Variants in PIGQ observed in about 807,000 individuals in gnomAD.
PIGQ encodes phosphatidylinositol glycan anchor biosynthesis class Q.
PIGQ carries 54 observed loss-of-function variants against 60.3 expected under a neutral mutation model. That is an observed-to-expected ratio of 0.90 (90% CI 0.72 to 1.12). The LOEUF (loss-of-function observed/expected upper bound fraction) is 1.12. PIGQ is among the 50% of genes most tolerant of loss of function. PIGQ has a pLI of 0.00. For synonymous variants in PIGQ, 416 were observed against 363.7 expected, an observed-to-expected ratio of 1.14 and a Z score of -1.64; for missense variants, 799 against 793.5, an observed-to-expected ratio of 1.01 and a Z score of -0.08.
chr16:576,444 C>T (rs1048771478), intron 4 of PIGQ, 190 bp downstream of exon 4: 2 of 668,914 alleles, frequency 3.0e-6, no homozygotes, highest in African/African-American at 3.6e-5. Flanking sequence ...CAGGGCAGGC[C>T]TCGCAGGTAC....
At position 574,122 on chromosome 16, in the gene PIGQ, C is replaced by T. The variant is rs543316354; in HGVS notation, c.48C>T (p.Ser16=). The T allele has an allele frequency of 8.7e-6, 14 of 1,610,864 alleles. No individual in the cohort carries two copies. The highest frequency in any genetic ancestry group is 2.2e-5 in the South Asian group (2 of 91,010). Residue 16 remains serine, a synonymous_variant, in exon 2 of 11, where the codon AGC becomes AGT. Transcript: ENST00000321878. The part of the protein sequence containing the change: ...FFPTCCVSTD[S]GLLVGRWVPE... ...CCACGTGCTGCGTCTCGACGGACAG[C>T]GGGCTGCTGGTGGGACGGTGGGTGC...
rs2035858104 is a variant in PIGQ at position 583,854 on chromosome 16, C to T, written c.*819C>T. ...TGTGGCCCCCCAGGAGTGTGAGTGGCCTGGGGAGGGGGCCGTGGCACTGAG... is the reference window on the plus strand; with the variant it reads ...TGTGGCCCCCCAGGAGTGTGAGTGGTCTGGGGAGGGGGCCGTGGCACTGAG... On this transcript the variant is annotated 3_prime_UTR_variant, in exon 11 of 11. Coordinates refer to ENST00000321878, the MANE Select transcript of PIGQ (RefSeq NM_004204.5). 2 of 621,076 alleles carry T rather than the reference C, an allele frequency of 3.2e-6. No homozygotes were observed. Among genetic ancestry groups the T allele is most frequent in the African/African-American group, 1.8e-5 (1 of 54,958 alleles). The allele number at this position is 621,076 out of a possible 1,614,324, so 38.5% of individuals were successfully genotyped here. A position where few individuals can be genotyped will look rare whatever the true frequency, so the allele number is the denominator to read the frequency against.
chr16:574,212 G>C lies in PIGQ; in HGVS notation c.138G>C (p.Lys46Asn). The C allele has an allele frequency of 6.2e-7, 1 of 1,612,142 alleles. No individual in the cohort carries two copies. The highest frequency in any genetic ancestry group is 1.1e-5 in the South Asian group (1 of 91,078). Residue 46 changes from lysine (K) to asparagine (N), a missense_variant, in exon 2 of 11, where the codon AAG becomes AAC. Transcript: ENST00000321878. Reference protein sequence around the residue: ...LHFPFIPIQVKQLLAQVRQAS... With the variant: ...LHFPFIPIQVNQLLAQVRQAS... ...TTCCCTTCATCCCCATCCAGGTCAAGCAGCTCCTGGCCCAGGTGCGGCAGG... is the reference window on the plus strand; with the variant it reads ...TTCCCTTCATCCCCATCCAGGTCAACCAGCTCCTGGCCCAGGTGCGGCAGG...
chr16:582,660 T>G (rs1596388246), intron 10 of PIGQ: 1 of 605,022 alleles, frequency 1.7e-6, no homozygotes, highest in Non-Finnish European at 2.9e-6. Flanking sequence ...CCCCTCAGAG[T>G]TGGGCAGCCC....
rs572152567 is a variant in PIGQ, at chr16:573,232, G to A, written c.-9-834G>A. Reference sequence around the variant, plus strand: ...GTCCCTCAGCCTGAGAGTGCAGGATGCAGTTTCTCCACACCTCCGGGACCT... The same window carrying A: ...GTCCCTCAGCCTGAGAGTGCAGGATACAGTTTCTCCACACCTCCGGGACCT... On this transcript the variant is annotated intron_variant, in intron 1 of 10. Coordinates refer to ENST00000321878, the MANE Select transcript of PIGQ (RefSeq NM_004204.5). Among the ~76,000 whole-genome samples the A allele has an allele frequency of 9.2e-5, 14 of 152,362 alleles. No homozygotes were observed. The East Asian group carries it at 2.7e-3, about 29-fold the overall frequency.
At position 583,660 on chromosome 16, in the gene PIGQ, T is replaced by A. The variant is rs2035853713; in HGVS notation, c.*625T>A. Reference sequence around the variant, plus strand: ...AGAAACCATCAGCAGGCTGTGAGCATCGCCAGGCTGCTGTGGGGGCGGGAG... The same window carrying A: ...AGAAACCATCAGCAGGCTGTGAGCAACGCCAGGCTGCTGTGGGGGCGGGAG... On this transcript the variant is annotated 3_prime_UTR_variant, in exon 11 of 11. Coordinates refer to ENST00000321878, the MANE Select transcript of PIGQ (RefSeq NM_004204.5). The A allele has an allele frequency of 1.2e-6, 2 of 1,611,010 alleles. No homozygotes were observed. The highest frequency in any genetic ancestry group is 1.7e-5 in the Admixed American group (1 of 59,984).
intron 9 of PIGQ, 196 bp from the exon 10 acceptor site, chr16:582,052 G>C (rs188843005): frequency 1.5e-6 from 1 of 667,666 alleles, no homozygotes; most frequent in Non-Finnish European, 2.8e-6. Context: ...CACCGTGCCT[G>C]GCTGCAGGAG....
chr16:580,853 C>T lies in PIGQ; in HGVS notation c.1417-5C>T. On this transcript the variant is annotated splice_region_variant and splice_polypyrimidine_tract_variant and intron_variant, in intron 8 of 10. Coordinates refer to ENST00000321878, the MANE Select transcript of PIGQ (RefSeq NM_004204.5). ...GGGCCGGTCCTAAATGCTCCTCTGCCACAGCTCCGGCTCCTGGTGGTCGCC... is the reference window on the plus strand; with the variant it reads ...GGGCCGGTCCTAAATGCTCCTCTGCTACAGCTCCGGCTCCTGGTGGTCGCC... The T allele has an allele frequency of 7.4e-7, 1 of 1,358,834 alleles. No individual in the cohort carries two copies. Among genetic ancestry groups the T allele is most frequent in the Middle Eastern group, 1.8e-4 (1 of 5,546 alleles). 84.2% of individuals were successfully genotyped at this position (1,358,834 alleles called of 1,614,324 possible).
chr16:581,106 C>A (rs530111223), intron 9 of PIGQ, 134 bp downstream of exon 9: 33 of 1,384,112 alleles, frequency 2.4e-5, no homozygotes, highest in Non-Finnish European at 3.3e-5. Flanking sequence ...CGCAAGCGGG[C>A]AGGGAGGACA....
In PIGQ at chr16:582,972, C is replaced by A; in HGVS notation, c.1683C>A (p.Cys561Ter). 3 of 1,613,070 alleles carry A rather than the reference C, an allele frequency of 1.9e-6. No homozygotes were observed. The highest frequency in any genetic ancestry group is 2.5e-6 in the Non-Finnish European group (3 of 1,179,984). The stretch of plus-strand genomic sequence containing the variant: ...CCAAGCACTCCTGGGGCGCCCTGTG[C>A]CGCAAGCTGTTCCTTGGGGAGCTCA... ...CHPKHSWGALCRKLFLGELIY... is the reference protein window; with the variant it reads ...CHPKHSWGAL The change falls in exon 11 of 11, where the codon TGC becomes TGA. Residue 561 changes from cysteine (C) to a stop codon, truncating the protein, a stop_gained. Transcript: ENST00000321878. LOFTEE classifies it high-confidence loss of function.
chr16:573,990 G>A (rs550303418), intron 1 of PIGQ, 76 bp from the exon 2 acceptor site: 17 of 1,050,442 alleles, frequency 1.6e-5, no homozygotes, highest in South Asian at 4.7e-5. Context: ...CTGTCAGGCC[G>A]TCTGTGCAAC....
intron 8 of PIGQ, chr16:580,645 C>T (rs2035795372): frequency 1.7e-6 from 1 of 590,798 alleles, no homozygotes; most frequent in African/African-American, 1.9e-5. Context: ...GGAGGCACCT[C>T]TGACCTGGTG....
In PIGQ at chr16:579,151, G is replaced by A. The variant is rs763106194; in HGVS notation, c.1306G>A (p.Val436Met). 7.4e-6 allele frequency: 12 copies of A among 1,612,752 alleles called. No individual in the cohort carries two copies. The highest frequency in any genetic ancestry group is 1.6e-4 in the Middle Eastern group (1 of 6,084). ...GKKWNVLRQRVDSCSYDLDQL... is the reference protein window; with the variant it reads ...GKKWNVLRQRMDSCSYDLDQL... ...GAAGTGGAACGTTCTGCGCCAGCGC[G>A]TGGACTCCTGTTCCTATGACCTGGA... Residue 436 changes from valine to methionine, a missense_variant, in exon 7 of 11, where the codon GTG (valine) becomes ATG (methionine). Val to Met is a conservative substitution (Grantham distance 21). Transcript: ENST00000321878.
At position 583,998 on chromosome 16, in the gene PIGQ, G is replaced by A; in HGVS notation, c.*963G>A. 2.7e-6 allele frequency: 1 copy of A among 373,856 alleles called. No individual in the cohort carries two copies. Among genetic ancestry groups the A allele is most frequent in the East Asian group, 6.6e-5 (1 of 15,198 alleles). 23.2% of individuals were successfully genotyped at this position (373,856 alleles called of 1,614,324 possible). A position where few individuals can be genotyped will look rare whatever the true frequency, so the allele number is the denominator to read the frequency against. ...GTGAGGGGATGACGCGCTGTGGGTG[G>A]GAGGAGGCAGCGCCCATCTCAGCAG... On this transcript the variant is annotated 3_prime_UTR_variant, in exon 11 of 11. Coordinates refer to ENST00000321878, the MANE Select transcript of PIGQ (RefSeq NM_004204.5).
In PIGQ at chr16:583,111, G is replaced by T. The variant is rs2035839556; in HGVS notation, c.*76G>T. 1 of 1,613,034 alleles carries T rather than the reference G, an allele frequency of 6.2e-7. No homozygotes were observed. Among genetic ancestry groups the T allele is most frequent in the African/African-American group, 1.3e-5 (1 of 74,926 alleles). ...GCTCTGCCAGGGTGGCACCAGCTCA[G>T]CTGGCGCATGTCCTGTGCTTTGTGG... On this transcript the variant is annotated 3_prime_UTR_variant, in exon 11 of 11. Transcript: ENST00000321878.
chr16:575,428 C>A (rs1037523314), intron 2 of PIGQ, among the ~76,000 whole-genome samples: 1 of 152,168 alleles, frequency 6.6e-6, no homozygotes, highest in African/African-American at 2.4e-5. Flanking sequence ...TTGCCCCCTG[C>A]CTTAGACCCG....
Position 582,237 on chromosome 16 carries a change from T to C in PIGQ, c.1532-11T>C. ...ACGCGTCCCCTCGTCAGCCGCTTGC[T>C]ATCCTTGCAGCTGGCGTGAAGTTCC... On this transcript the variant is annotated splice_polypyrimidine_tract_variant and intron_variant, in intron 9 of 10. Coordinates refer to ENST00000321878, the MANE Select transcript of PIGQ (RefSeq NM_004204.5). The C allele has an allele frequency of 6.3e-7, 1 of 1,588,648 alleles. No homozygotes were observed. Among genetic ancestry groups the C allele is most frequent in the African/African-American group, 1.4e-5 (1 of 73,820 alleles).
At chr16:577,368 G>A (rs1163286579) in intron 4 of PIGQ, 1 of 152,062 alleles carries the variant, frequency 6.6e-6, no homozygotes, top group African/African-American at 2.4e-5. Context: ...ATGAGGTCAG[G>A]AGATCGAGAC....
intron 7 of PIGQ, 53 bp from the exon 8 acceptor site, chr16:580,130 G>T: frequency 6.9e-7 from 1 of 1,448,940 alleles, no homozygotes; most frequent in South Asian, 1.2e-5. Flanking sequence ...GTGCTGGGCC[G>T]TCCCTGGGCG....
Sources: allele counts gnomAD v4.1 joint callset (sites outside exome capture counted in the v4.1 genomes callset), GRCh38; gene constraint gnomAD v4.1.1; transcripts MANE v1.5; gene names NCBI Gene and HGNC (gene_info 2026-07-23, HGNC 2026-07-21).